FER: variants seen among roughly 807,000 people sequenced by gnomAD.
The protein encoded by FER is tyrosine-protein kinase Fer.
In FER, 63 loss-of-function variants were observed where a neutral mutation model predicts 111.0. The observed-to-expected ratio is 0.57, with a 90% confidence interval of 0.46 to 0.70. The LOEUF is 0.70. FER is among the 30% of genes least tolerant of loss of function. The pLI is 0.00. For synonymous variants in FER, 327 were observed against 313.9 expected (o/e 1.04, Z -0.44); for missense variants, 914 against 954.0 (o/e 0.96, Z 0.55).
At chr5:109,116,019 A>C (rs895003432) in intron 17 of FER, among the ~76,000 whole-genome samples, 1 of 152,140 alleles carries the variant, frequency 6.6e-6, no homozygotes, top group Non-Finnish European at 1.5e-5. Context: ...ATATAATAAC[A>C]TGAAATGATG....
rs746184286 is a variant in FER at position 109,058,724 on chromosome 5, C to CTTTTTTTTTTTTTTTTTTTTTTTTTTTTT, written c.1924+11552_1924+11553insTTTTTTTTTTTTTTTTTTTTTTTTTTTTT. ...TCTTTTTCTTTTTCTTTCTTTCTTT[C>CTTTTTTTTTTTTTTTTTTTTTTTTTTTTT]TTTTTTTTTTTTTTTTTTTTTTTTT... On this transcript the variant is annotated intron_variant, in intron 16 of 19. Coordinates refer to ENST00000281092, the MANE Select transcript of FER (RefSeq NM_005246.4). Among the ~76,000 whole-genome samples the CTTTTTTTTTTTTTTTTTTTTTTTTTTTTT allele has an allele frequency of 2.4e-4, 18 of 76,278 alleles. 1 individual carries two copies. Among genetic ancestry groups the CTTTTTTTTTTTTTTTTTTTTTTTTTTTTT allele is most frequent in the African/African-American group, 5.3e-4 (9 of 17,094 alleles). The allele number at this position is 76,278 out of a possible 152,430, so 50.0% of individuals were successfully genotyped here.
chr5:108,815,816 A>G (rs966928758), intron 3 of FER, among the ~76,000 whole-genome samples: 6 of 152,238 alleles, frequency 3.9e-5, no homozygotes, highest in Non-Finnish European at 8.8e-5. Flanking sequence ...CATAATACAT[A>G]TATAATGTAA....
chr5:109,131,506 ATTACC>A (rs1430888762), intron 17 of FER, among the ~76,000 whole-genome samples: 1 of 152,172 alleles, frequency 6.6e-6, no homozygotes. Flanking sequence ...AGTTATGATA[ATTACC>A]TTAAGCTTTC....
At chr5:109,171,329 A>C (rs1337340376) in intron 17 of FER, among the ~76,000 whole-genome samples, 4 of 152,192 alleles carry the variant, frequency 2.6e-5, no homozygotes, top group African/African-American at 9.6e-5. Flanking sequence ...TTATTAAAGA[A>C]AACACTGGGT....
chr5:108,997,519 A>G (rs1013838583), intron 13 of FER, among the ~76,000 whole-genome samples: 5 of 151,806 alleles, frequency 3.3e-5, no homozygotes. Context: ...CTCTTTTCCT[A>G]ATTGAATACC....
At chr5:108,937,654 T>C (rs953946265) in intron 10 of FER, among the ~76,000 whole-genome samples, 22 of 151,798 alleles carry the variant, frequency 1.4e-4, no homozygotes, top group African/African-American at 5.1e-4. Flanking sequence ...GAGGATAGTG[T>C]GGTAGGGGAA....
intron 17 of FER, among the ~76,000 whole-genome samples, chr5:109,169,079 C>CATT (rs1280205459): frequency 6.6e-6 from 1 of 152,126 alleles, no homozygotes; most frequent in African/African-American, 2.4e-5. Context: ...TTCATGAATG[C>CATT]ACAATGCAGA....
intron 2 of FER, among the ~76,000 whole-genome samples, chr5:108,797,850 T>C (rs948459488): frequency 6.6e-6 from 1 of 152,234 alleles, no homozygotes; most frequent in Non-Finnish European, 1.5e-5. Flanking sequence ...TACAAGATGA[T>C]GTAATTTGCA....
intron 13 of FER, among the ~76,000 whole-genome samples, chr5:109,019,007 T>C (rs1037591293): frequency 6.6e-6 from 1 of 151,426 alleles, no homozygotes; most frequent in African/African-American, 2.4e-5. Context: ...ATCATAGGTA[T>C]TATCTAACAC....
At chr5:108,773,738 A>G (rs1319300306) in intron 2 of FER, among the ~76,000 whole-genome samples, 1 of 151,998 alleles carries the variant, frequency 6.6e-6, no homozygotes. Context: ...GTCAAATGAT[A>G]TTTCTGTCTC....
At chr5:109,119,056 G>A (rs1042427477) in intron 17 of FER, among the ~76,000 whole-genome samples, 4 of 151,532 alleles carry the variant, frequency 2.6e-5, no homozygotes, top group Non-Finnish European at 4.4e-5. Flanking sequence ...GCTAGCTTTT[G>A]AATGTGTTTG....
At chr5:108,793,986 G>A (rs1755699786) in intron 2 of FER, among the ~76,000 whole-genome samples, 1 of 152,002 alleles carries the variant, frequency 6.6e-6, no homozygotes, top group African/African-American at 2.4e-5. Context: ...ATTGTACTAT[G>A]TCTTGAAAAG....
chr5:108,924,468 ATT>A (rs1468835490), intron 10 of FER: 1 of 499,138 alleles, frequency 2.0e-6, no homozygotes, highest in Non-Finnish European at 3.0e-6. Flanking sequence ...AAAACGCAAC[ATT>A]TGTTGGCTGT....
chr5:108,868,743 A>G (rs1764319302), intron 6 of FER, among the ~76,000 whole-genome samples: 1 of 152,086 alleles, frequency 6.6e-6, no homozygotes, highest in African/African-American at 2.4e-5. Flanking sequence ...TTAAAATTCA[A>G]AAAAAGTAGT....
chr5:108,986,798 G>C (rs1762622686), intron 13 of FER, among the ~76,000 whole-genome samples: 1 of 152,062 alleles, frequency 6.6e-6, no homozygotes, highest in Non-Finnish European at 1.5e-5. Flanking sequence ...CTGTTCCATT[G>C]GTCTATGCCT....
intron 2 of FER, among the ~76,000 whole-genome samples, chr5:108,786,748 C>A (rs1309137844): frequency 1.3e-5 from 2 of 152,172 alleles, no homozygotes; most frequent in African/African-American, 2.4e-5. Context: ...GATCCGCCCA[C>A]CTCAGCCTCC....
At chr5:108,941,586 T>C (rs139551078) in intron 10 of FER, among the ~76,000 whole-genome samples, 2 of 152,270 alleles carry the variant, frequency 1.3e-5, no homozygotes, top group East Asian at 1.9e-4. Flanking sequence ...TATCGTTATG[T>C]CCCTAAATTG....
At chr5:109,134,137 A>T (rs1752645840) in intron 17 of FER, among the ~76,000 whole-genome samples, 1 of 152,090 alleles carries the variant, frequency 6.6e-6, no homozygotes, top group African/African-American at 2.4e-5. Context: ...TTTTCCTGTG[A>T]AGTTGAAGCA....
At chr5:109,162,877 CA>C (rs763395716) in intron 17 of FER, among the ~76,000 whole-genome samples, 44 of 151,724 alleles carry the variant, frequency 2.9e-4, no homozygotes, top group Non-Finnish European at 5.0e-4. Flanking sequence ...ACTATAAATA[CA>C]ATAAAATGCA....
Sources: gnomAD v4.1 joint callset for allele counts (sites outside exome capture counted in the v4.1 genomes callset) on GRCh38, gnomAD v4.1.1 for gene constraint, MANE v1.5 for transcripts, NCBI Gene and HGNC (gene_info 2026-07-23, HGNC 2026-07-21) for gene names.